The following CTDP1 variants were observed in gnomAD, a reference collection of about 807,000 sequenced individuals.
The protein encoded by CTDP1 is CTD phosphatase 1, also known as RNA polymerase II subunit A C-terminal domain phosphatase.
Under a neutral mutation model 91.8 loss-of-function variants are expected in CTDP1, and 47 were observed. The ratio of observed to expected loss-of-function variants is 0.51; its 90% CI spans 0.41 to 0.65. The LOEUF is 0.65. Among genes scored for constraint, CTDP1 ranks in the 30% least tolerant of loss-of-function variants. The probability of loss-of-function intolerance (pLI) is 0.00; values close to 1 mark genes in which losing one functional copy is unlikely to be tolerated. For missense variants in CTDP1, 1,272 were observed against 1,373.7 expected (o/e 0.93, Z 1.17); for synonymous variants, 656 against 598.5 (o/e 1.10, Z -1.40).
intron 5 of CTDP1, among the ~76,000 whole-genome samples, chr18:79,707,801 G>A (rs2085998133): frequency 6.6e-6 from 1 of 152,202 alleles, no homozygotes; most frequent in Admixed American, 6.5e-5. Context: ...GTGAGAAAGT[G>A]AGGTCCGGAC....
intron 12 of CTDP1, among the ~76,000 whole-genome samples, chr18:79,751,121 G>A (rs1364896229): frequency 1.7e-5 from 2 of 116,830 alleles, no homozygotes; most frequent in Non-Finnish European, 3.5e-5. Flanking sequence ...GCCAGGGAGG[G>A]AGGGGCTGGA....
At chr18:79,698,643 A>G (rs2122514392) in intron 4 of CTDP1, among the ~76,000 whole-genome samples, 1 of 152,242 alleles carries the variant, frequency 6.6e-6, no homozygotes, top group Admixed American at 6.5e-5. Flanking sequence ...GTCGGCCTAG[A>G]CGGTGGCCAT....
In CTDP1 at chr18:79,705,564, G is replaced by A. The variant is rs779011627; in HGVS notation, c.772+647G>A. On this transcript the variant is annotated intron_variant, in intron 5 of 12. Transcript: ENST00000613122. Reference sequence around the variant, plus strand: ...GTGGACGAAGCAACGTCTGTCCCACGTGGACGAAGCAAGGGGACAGTGCGG... The same window carrying A: ...GTGGACGAAGCAACGTCTGTCCCACATGGACGAAGCAAGGGGACAGTGCGG... Among the ~76,000 whole-genome samples the A allele has an allele frequency of 1.6e-4, 24 of 151,944 alleles. 1 individual carries two copies. The highest frequency in any genetic ancestry group is 9.2e-4 in the Admixed American group (14 of 15,260).
chr18:79,688,493 G>A (rs911736612), intron 1 of CTDP1, among the ~76,000 whole-genome samples: 50 of 152,348 alleles, frequency 3.3e-4, no homozygotes, highest in Middle Eastern at 3.4e-3. Flanking sequence ...TCGAACTCCT[G>A]ACCTCAGGTG....
At chr18:79,736,875 C>T (rs980799450) in intron 12 of CTDP1, among the ~76,000 whole-genome samples, 6 of 139,800 alleles carry the variant, frequency 4.3e-5, no homozygotes, top group East Asian at 4.5e-4. Flanking sequence ...GGTATCTACA[C>T]GTGCGCACAG....
intron 1 of CTDP1, among the ~76,000 whole-genome samples, chr18:79,694,137 G>C (rs2085684689): frequency 6.6e-6 from 1 of 151,750 alleles, no homozygotes; most frequent in South Asian, 2.1e-4. Context: ...GGTCGGAGCA[G>C]CCCGGCTGGG....
In CTDP1 at chr18:79,713,468, C is replaced by G. The variant is rs1599248892; in HGVS notation, c.1030+330C>G. On this transcript the variant is annotated intron_variant, in intron 7 of 12. Transcript: ENST00000613122. This position sits in a 1 kb window ranked among gnomAD's most constrained non-coding sequence, Gnocchi z 4.7. ...TCCCTGGGTATTGGGCCATAGTGTTCTGTAGAGAGAGTGAATGTGGGGGCG... is the reference window on the plus strand; with the variant it reads ...TCCCTGGGTATTGGGCCATAGTGTTGTGTAGAGAGAGTGAATGTGGGGGCG... Among the ~76,000 whole-genome samples the G allele has an allele frequency of 6.6e-6, 1 of 152,160 alleles. No individual in the cohort carries two copies. The highest frequency in any genetic ancestry group is 1.5e-5 in the Non-Finnish European group (1 of 68,036).
At chr18:79,692,475 A>G (rs533018280) in intron 1 of CTDP1, among the ~76,000 whole-genome samples, 1 of 152,352 alleles carries the variant, frequency 6.6e-6, no homozygotes, top group South Asian at 2.1e-4. Context: ...TTCAGAAGCA[A>G]CTTGTCAATT....
Position 79,753,870 on chromosome 18 carries a change from G to T in CTDP1, c.*80G>T. 2.6e-6 allele frequency: 4 copies of T among 1,535,140 alleles called. 1 individual carries two copies. The South Asian group carries it at 4.7e-5, about 18-fold the overall frequency. On this transcript the variant is annotated 3_prime_UTR_variant, in exon 13 of 13. Transcript: ENST00000613122. ...GTCCCCGGACCAGCCCTCAGTCTCGGTCCACGCTGCTTTCTTCCCAAAGGA... is the reference window on the plus strand; with the variant it reads ...GTCCCCGGACCAGCCCTCAGTCTCGTTCCACGCTGCTTTCTTCCCAAAGGA...
At chr18:79,720,344 G>GCA (rs2086315442) in intron 10 of CTDP1, among the ~76,000 whole-genome samples, 1 of 144,236 alleles carries the variant, frequency 6.9e-6, no homozygotes, top group African/African-American at 2.6e-5. Context: ...TTAGGAGGGC[G>GCA]TCCTGGTGAT....
chr18:79,724,757 A>T (rs560547353), intron 10 of CTDP1, among the ~76,000 whole-genome samples: 18 of 152,344 alleles, frequency 1.2e-4, no homozygotes, highest in Admixed American at 1.0e-3. Flanking sequence ...GCCCAGTCCC[A>T]GATCCCAGAG....
intron 10 of CTDP1, among the ~76,000 whole-genome samples, chr18:79,726,005 A>G (rs376399664): frequency 1.5e-4 from 22 of 149,268 alleles, no homozygotes; most frequent in African/African-American, 5.2e-4. Flanking sequence ...TGGAGGGTTT[A>G]CCTTGTTTAT....
intron 5 of CTDP1, among the ~76,000 whole-genome samples, chr18:79,707,384 G>A (rs541436074): frequency 1.3e-5 from 2 of 152,218 alleles, no homozygotes; most frequent in Non-Finnish European, 2.9e-5. Flanking sequence ...GCAGACATCC[G>A]CAGGCCTCTG....
rs557932847 is a variant in CTDP1 at position 79,712,485 on chromosome 18, T to C, written c.864-487T>C. On this transcript the variant is annotated intron_variant, in intron 6 of 12. Coordinates refer to ENST00000613122, the MANE Select transcript of CTDP1 (RefSeq NM_004715.5). ...TTTGTAGAGACAGGGTCTTCCTATG[T>C]TGCCCAGGCTGGTGTCAGACTCCTA... Among the ~76,000 whole-genome samples the C allele has an allele frequency of 5.3e-5, 8 of 152,256 alleles. No homozygotes were observed. In the South Asian group the frequency reaches 1.7e-3, roughly 32 times the overall value.
intron 1 of CTDP1, among the ~76,000 whole-genome samples, chr18:79,683,444 G>A (rs182258392): frequency 6.6e-6 from 1 of 152,356 alleles, no homozygotes; most frequent in African/African-American, 2.4e-5. Flanking sequence ...GCTCATCTGC[G>A]TGTGAGGGCA....
At chr18:79,730,669 C>T (rs1324021056) in intron 11 of CTDP1, among the ~76,000 whole-genome samples, 1 of 152,176 alleles carries the variant, frequency 6.6e-6, no homozygotes, top group African/African-American at 2.4e-5. Context: ...GTTTTATGTT[C>T]GTGAATTTTT....
At chr18:79,729,529 G>A (rs1485587912) in intron 11 of CTDP1, among the ~76,000 whole-genome samples, 1 of 152,218 alleles carries the variant, frequency 6.6e-6, no homozygotes, top group African/African-American at 2.4e-5. Flanking sequence ...TTAAACACAC[G>A]CACACAGAGT....
At chr18:79,738,779 G>T (rs1179374865) in intron 12 of CTDP1, among the ~76,000 whole-genome samples, 1 of 152,220 alleles carries the variant, frequency 6.6e-6, no homozygotes, top group Non-Finnish European at 1.5e-5. Flanking sequence ...GTTTAGCAGG[G>T]AAATGAGTGC....
intron 1 of CTDP1, among the ~76,000 whole-genome samples, chr18:79,692,691 C>T (rs956660371): frequency 1.3e-5 from 2 of 151,756 alleles, no homozygotes; most frequent in Non-Finnish European, 2.9e-5. Context: ...GCGAGGAGCC[C>T]GCCGTGAGCT....
Sources: allele counts gnomAD v4.1 joint callset (sites outside exome capture counted in the v4.1 genomes callset), GRCh38; gene constraint gnomAD v4.1.1; non-coding constraint Gnocchi (gnomAD v3.1); transcripts MANE v1.5; gene names NCBI Gene and HGNC (gene_info 2026-07-23, HGNC 2026-07-21).